SYT12: variants seen among roughly 807,000 people sequenced by gnomAD.
SYT12 encodes synaptotagmin 12, also known as synaptotagmin-12.
A neutral mutation model predicts 39.5 loss-of-function variants in SYT12; 27 were observed. That is an observed-to-expected ratio of 0.68 (90% CI 0.50 to 0.94). The LOEUF (loss-of-function observed/expected upper bound fraction) is 0.94. Among genes scored for constraint, SYT12 ranks in the 40% least tolerant of loss-of-function variants. The pLI is 0.00. For missense variants in SYT12, 536 were observed against 572.6 expected (o/e 0.94, Z 0.65); for synonymous variants, 233 against 239.7 (o/e 0.97, Z 0.26).
Position 67,040,208 on chromosome 11 carries a change from G to A in SYT12, c.621+5G>A. 6.4e-7 allele frequency: 1 copy of A among 1,567,590 alleles called. No individual in the cohort carries two copies. The highest frequency in any genetic ancestry group is 8.7e-7 in the Non-Finnish European group (1 of 1,153,362). On this transcript the variant is annotated splice_donor_5th_base_variant and intron_variant, in intron 4 of 7. Coordinates refer to ENST00000527043, the MANE Select transcript of SYT12 (RefSeq NM_177963.4). ...CAGATCGTGGGCATTTCTCGGGTAA[G>A]TGGGGCTCAGGGCGGGGCAGAAGGG...
At chr11:67,027,773 C>T (rs940415885) in intron 1 of SYT12, 3 of 152,208 alleles carry the variant, frequency 2.0e-5, no homozygotes, top group Non-Finnish European at 4.4e-5. Flanking sequence ...ATACCTTGCT[C>T]GCGTGCTGCG....
rs1854729537 is a variant in SYT12 at position 67,050,805 on chromosome 11, G to A, written c.*2048G>A. 6.6e-6 allele frequency: 1 copy of A among 152,278 alleles called. No individual in the cohort carries two copies. The highest frequency in any genetic ancestry group is 2.4e-5 in the African/African-American group (1 of 41,442). The allele number at this position is 152,278 out of a possible 1,614,324, so 9.4% of individuals were successfully genotyped here. On this transcript the variant is annotated 3_prime_UTR_variant, in exon 8 of 8. Transcript: ENST00000527043. ...AACCAAAATAAAGTTGGGGCAGGAA[G>A]AGGGGGCTTCCAGGGAGCCCTGCTC...
chr11:67,016,312 G>A (rs1221127498), intron 3 of SYT12, among the ~76,000 whole-genome samples: 1 of 152,070 alleles, frequency 6.6e-6, no homozygotes, highest in African/African-American at 2.4e-5. Flanking sequence ...AATAAAAGAT[G>A]TTGCGGGAGG....
intron 2 of SYT12, chr11:67,030,999 G>C (rs960762960): frequency 3.9e-5 from 6 of 152,238 alleles, no homozygotes; most frequent in African/African-American, 1.4e-4. Context: ...CAGCCCCTGG[G>C]GAGCCCAGGG....
chr11:67,013,300 C>T (rs1394222720), intron 3 of SYT12, among the ~76,000 whole-genome samples: 1 of 152,176 alleles, frequency 6.6e-6, no homozygotes, highest in African/African-American at 2.4e-5. Context: ...TGTGGGGGCC[C>T]TGGCCATGCA....
At chr11:67,026,044 G>A (rs146913615) in intron 1 of SYT12, among the ~76,000 whole-genome samples, 81 of 151,772 alleles carry the variant, frequency 5.3e-4, no homozygotes, top group Non-Finnish European at 9.6e-4. Context: ...GTGAAAGAGC[G>A]AAACTCCGTC....
chr11:67,014,856 ACT>A (rs1950041263), intron 3 of SYT12, among the ~76,000 whole-genome samples: 1 of 149,732 alleles, frequency 6.7e-6, no homozygotes, highest in Non-Finnish European at 1.5e-5. Flanking sequence ...CCTTACTACC[ACT>A]CTCGACGCTC....
At chr11:67,039,671 A>G (rs1468397573) in intron 3 of SYT12, 140 bp from the exon 4 acceptor site, 2 of 1,034,660 alleles carry the variant, frequency 1.9e-6, no homozygotes, top group African/African-American at 3.2e-5. Context: ...CGACCTTCCT[A>G]GCTAAGGGAT....
At position 67,044,705 on chromosome 11, in the gene SYT12, C is replaced by T; in HGVS notation, c.950C>T (p.Thr317Ile). 1 of 1,613,706 alleles carries T rather than the reference C, an allele frequency of 6.2e-7. No homozygotes were observed. Among genetic ancestry groups the T allele is most frequent in the South Asian group, 1.1e-5 (1 of 91,044 alleles). The change falls in exon 6 of 8, where the codon ACC becomes ATC. Residue 317 changes from threonine (T) to isoleucine (I), a missense_variant. By Grantham distance (89) the Thr-to-Ile change is moderately conservative (BLOSUM62 -1). Transcript: ENST00000527043. ...AKNLIWTNDKTTADPFVKVYL... is the reference protein window; with the variant it reads ...AKNLIWTNDKITADPFVKVYL... ...AACCTCATCTGGACCAACGACAAGACCACAGCGGGTAAGGCCCAGCCGGCA... is the reference window on the plus strand; with the variant it reads ...AACCTCATCTGGACCAACGACAAGATCACAGCGGGTAAGGCCCAGCCGGCA...
At chr11:67,030,517 G>T (rs1055696247) in intron 2 of SYT12, 1 of 289,468 alleles carries the variant, frequency 3.5e-6, no homozygotes, top group Non-Finnish European at 6.5e-6. Context: ...CTTCTGTGGA[G>T]ACTGTCAAGT....
intron 3 of SYT12, among the ~76,000 whole-genome samples, chr11:67,037,150 C>G (rs542586565): frequency 6.6e-6 from 1 of 152,088 alleles, no homozygotes; most frequent in East Asian, 1.9e-4. Flanking sequence ...AGCTACTCAG[C>G]AGGCTGAGAC....
intron 2 of SYT12, chr11:67,032,953 C>G (rs1018818904): frequency 6.5e-6 from 1 of 153,542 alleles, no homozygotes; most frequent in East Asian, 1.9e-4. Context: ...GAAAGTAGAG[C>G]CTTACAGGGT....
intron 3 of SYT12, among the ~76,000 whole-genome samples, chr11:67,038,119 C>T (rs1950419599): frequency 6.6e-6 from 1 of 151,132 alleles, no homozygotes; most frequent in Non-Finnish European, 1.5e-5. Flanking sequence ...TTCTCAAATC[C>T]CAAGGTCAAT....
chr11:67,048,865 C>A lies in SYT12; in HGVS notation c.*108C>A. ...AGCTGGAGCCGTGAACACTGGGGTC[C>A]CCTGGCAGAGTCCTCATGACCCATC... is the stretch of plus-strand genomic sequence containing the variant. On this transcript the variant is annotated 3_prime_UTR_variant, in exon 8 of 8. Coordinates refer to ENST00000527043, the MANE Select transcript of SYT12 (RefSeq NM_177963.4). The A allele has an allele frequency of 7.5e-7, 1 of 1,326,692 alleles. No individual in the cohort carries two copies. Among genetic ancestry groups the A allele is most frequent in the Non-Finnish European group, 1.0e-6 (1 of 977,188 alleles). 82.2% of individuals were successfully genotyped at this position (1,326,692 alleles called of 1,614,324 possible).
intron 3 of SYT12, among the ~76,000 whole-genome samples, chr11:67,017,833 G>A (rs1461427264): frequency 6.7e-6 from 1 of 149,330 alleles, no homozygotes; most frequent in Non-Finnish European, 1.5e-5. Flanking sequence ...GTTGGCAGGC[G>A]CTTGTAATCC....
At chr11:67,023,065 TCC>T (rs2136200750), upstream of SYT12, 1 of 152,322 alleles carries the variant, frequency 6.6e-6, no homozygotes, top group Admixed American at 6.5e-5. Flanking sequence ...CCCACCCCTG[TCC>T]CCAGGCGTGG....
rs770176122 is a variant in SYT12 at position 67,040,094 on chromosome 11, T to A, written c.512T>A (p.Val171Glu). 1 of 1,613,730 alleles carries A rather than the reference T, an allele frequency of 6.2e-7. No individual in the cohort carries two copies. The highest frequency in any genetic ancestry group is 2.2e-5 in the East Asian group (1 of 44,872). Residue 171 changes from valine to glutamate, a missense_variant, in exon 4 of 8, where the codon GTG becomes GAG. Transcript: ENST00000527043. ...EYDTASHTLN[V>E]AVMQGKDLLE... Reference sequence around the variant, plus strand: ...GACACTGCCTCCCACACGCTGAACGTGGCGGTGATGCAGGGCAAGGACCTC... The same window carrying A: ...GACACTGCCTCCCACACGCTGAACGAGGCGGTGATGCAGGGCAAGGACCTC...
chr11:67,008,652 G>T (rs902182083), intron 1 of SYT12, among the ~76,000 whole-genome samples: 2 of 152,102 alleles, frequency 1.3e-5, no homozygotes, highest in Admixed American at 1.3e-4. Flanking sequence ...CTGGGTTCAA[G>T]TGATTCTCCC....
chr11:67,040,221 C>G lies in SYT12; in HGVS notation c.621+18C>G. The stretch of plus-strand genomic sequence containing the variant: ...TTTCTCGGGTAAGTGGGGCTCAGGG[C>G]GGGGCAGAAGGGTGCTCTGGGCTCA... On this transcript the variant is annotated intron_variant, in intron 4 of 7. Coordinates refer to ENST00000527043, the MANE Select transcript of SYT12 (RefSeq NM_177963.4). 1 of 1,560,402 alleles carries G rather than the reference C, an allele frequency of 6.4e-7. No homozygotes were observed. Among genetic ancestry groups the G allele is most frequent in the Non-Finnish European group, 8.7e-7 (1 of 1,149,750 alleles).
Sources: gnomAD v4.1 joint callset for allele counts (sites outside exome capture counted in the v4.1 genomes callset) on GRCh38, gnomAD v4.1.1 for gene constraint, MANE v1.5 for transcripts, NCBI Gene and HGNC (gene_info 2026-07-23, HGNC 2026-07-21) for gene names.